Variants in PCBP3 observed in about 807,000 individuals in gnomAD.
The protein encoded by PCBP3 is poly(rC) binding protein 3.
In PCBP3, 25 loss-of-function variants were observed where a neutral mutation model predicts 52.7. The ratio of observed to expected loss-of-function variants is 0.47; its 90% confidence interval spans 0.35 to 0.66. The LOEUF is 0.66. PCBP3 is among the 30% of genes least tolerant of loss of function. PCBP3 has a pLI of 0.01. For missense variants in PCBP3, 391 were observed against 490.3 expected, an observed-to-expected ratio of 0.80 and a Z score of 1.91; for synonymous variants, 162 against 183.0, an observed-to-expected ratio of 0.89 and a Z score of 0.93.
At chr21:45,846,833 C>T (rs1455608384) in intron 4 of PCBP3, among the ~76,000 whole-genome samples, 4 of 152,242 alleles carry the variant, frequency 2.6e-5, no homozygotes, top group Non-Finnish European at 5.9e-5. Context: ...GCCTGGTGCG[C>T]TGGCCTCACG....
intron 9 of PCBP3, 98 bp downstream of exon 9, chr21:45,901,211 G>A (rs749374706): frequency 4.9e-6 from 4 of 823,252 alleles, no homozygotes; most frequent in Non-Finnish European, 8.3e-6. Context: ...ACTAGGGGAT[G>A]CCCCAGCCCG....
At chr21:45,930,369 C>T (rs2076025156) in intron 14 of PCBP3, among the ~76,000 whole-genome samples, 1 of 152,194 alleles carries the variant, frequency 6.6e-6, no homozygotes. Flanking sequence ...CTTTTCTCTC[C>T]AGGAGCAAGA....
chr21:45,659,585 A>G (rs942828997), intron 1 of PCBP3, among the ~76,000 whole-genome samples: 3 of 152,210 alleles, frequency 2.0e-5, no homozygotes, highest in Non-Finnish European at 4.4e-5. Flanking sequence ...TCCTGGGCTC[A>G]AGCAGTCCTC....
chr21:45,729,770 T>G (rs1275342077), intron 2 of PCBP3, among the ~76,000 whole-genome samples: 2 of 152,276 alleles, frequency 1.3e-5, no homozygotes, highest in Middle Eastern at 3.4e-3. Flanking sequence ...ACTTTCGGTT[T>G]TATTAATTTT....
chr21:45,884,485 A>G (rs1287943019), intron 5 of PCBP3, among the ~76,000 whole-genome samples: 7 of 152,236 alleles, frequency 4.6e-5, no homozygotes, highest in Non-Finnish European at 1.0e-4. Context: ...GTATATACAC[A>G]TGTATACATA....
chr21:45,696,307 C>T (rs2147883904), intron 2 of PCBP3, among the ~76,000 whole-genome samples: 1 of 151,806 alleles, frequency 6.6e-6, no homozygotes, highest in South Asian at 2.1e-4. Context: ...CTCAATAAGC[C>T]CTACCTATAA....
At chr21:45,703,490 T>C (rs923060618) in intron 2 of PCBP3, among the ~76,000 whole-genome samples, 1 of 152,186 alleles carries the variant, frequency 6.6e-6, no homozygotes, top group African/African-American at 2.4e-5. Context: ...AGCAGTAATA[T>C]TTTGAGAGGA....
At chr21:45,644,913 C>T (rs2079156695) in intron 1 of PCBP3, among the ~76,000 whole-genome samples, 2 of 152,324 alleles carry the variant, frequency 1.3e-5, no homozygotes, top group Middle Eastern at 3.4e-3. Flanking sequence ...TTTCTTTGGA[C>T]TTTCTCAGAT....
At chr21:45,764,121 T>C (rs542191045) in intron 4 of PCBP3, among the ~76,000 whole-genome samples, 9,155 of 110,520 alleles carry the variant, frequency 0.083, 215 homozygotes, top group Non-Finnish European at 0.11. Context: ...TTTTTTTTCT[T>C]TTTTTTTTTT....
intron 5 of PCBP3, among the ~76,000 whole-genome samples, chr21:45,893,606 A>G (rs906225751): frequency 4.0e-5 from 6 of 148,520 alleles, no homozygotes; most frequent in Non-Finnish European, 6.0e-5. Context: ...CCGGGTGCAG[A>G]CGGGGGGTGG....
chr21:45,758,519 C>T (rs1481341214), intron 4 of PCBP3, among the ~76,000 whole-genome samples: 1 of 152,110 alleles, frequency 6.6e-6, no homozygotes, highest in African/African-American at 2.4e-5. Context: ...GCAAGTCTTG[C>T]ATTTTTGTTA....
At chr21:45,773,444 T>C (rs916688442) in intron 4 of PCBP3, among the ~76,000 whole-genome samples, 2 of 152,144 alleles carry the variant, frequency 1.3e-5, no homozygotes, top group African/African-American at 4.8e-5. Flanking sequence ...TTGAAGATTA[T>C]GTTGAACATT....
intron 7 of PCBP3, 32 bp from the exon 8 acceptor site, chr21:45,900,559 C>G: frequency 6.3e-7 from 1 of 1,596,032 alleles, no homozygotes; most frequent in Non-Finnish European, 8.6e-7. Context: ...CAGAGGGATA[C>G]CTTTTCCTTA....
intron 13 of PCBP3, among the ~76,000 whole-genome samples, chr21:45,922,584 A>G (rs2074598945): frequency 6.6e-6 from 1 of 152,286 alleles, no homozygotes; most frequent in South Asian, 2.1e-4. Flanking sequence ...TCATATATAC[A>G]AATCTTTATT....
intron 6 of PCBP3, among the ~76,000 whole-genome samples, chr21:45,898,407 C>T (rs1276817817): frequency 4.1e-5 from 6 of 147,570 alleles, no homozygotes; most frequent in Non-Finnish European, 9.0e-5. Flanking sequence ...GCACACCGTC[C>T]TCACAGCCTC....
intron 1 of PCBP3, among the ~76,000 whole-genome samples, chr21:45,657,558 G>T (rs1421401030): frequency 2.6e-5 from 4 of 152,070 alleles, no homozygotes; most frequent in Non-Finnish European, 4.4e-5. Flanking sequence ...TAGCTTTGTA[G>T]TAAGTTTTAA....
chr21:45,645,639 G>A (rs1321556321), intron 1 of PCBP3, among the ~76,000 whole-genome samples: 3 of 152,192 alleles, frequency 2.0e-5, no homozygotes, highest in Non-Finnish European at 2.9e-5. Flanking sequence ...GTTCTGAGGA[G>A]GCTGACAGCA....
At chr21:45,682,229 G>A (rs2081897666) in intron 2 of PCBP3, among the ~76,000 whole-genome samples, 1 of 152,070 alleles carries the variant, frequency 6.6e-6, no homozygotes, top group South Asian at 2.1e-4. Flanking sequence ...CATATTTATG[G>A]TACTATGAAC....
At chr21:45,776,639 T>C (rs1365645180) in intron 4 of PCBP3, among the ~76,000 whole-genome samples, 4 of 152,194 alleles carry the variant, frequency 2.6e-5, no homozygotes, top group African/African-American at 9.6e-5. Context: ...GTCTTTTACC[T>C]TTCTTGACTT....
Sources: gnomAD v4.1 joint callset for allele counts (sites outside exome capture counted in the v4.1 genomes callset) on GRCh38, gnomAD v4.1.1 for gene constraint, MANE v1.5 for transcripts, NCBI Gene and HGNC (gene_info 2026-07-23, HGNC 2026-07-21) for gene names.